VPS4B: variants seen among roughly 807,000 people sequenced by gnomAD.
VPS4B encodes the protein vacuolar protein sorting-associated protein 4B.
A neutral mutation model predicts 56.1 loss-of-function variants in VPS4B; 23 were observed. The ratio of observed to expected loss-of-function variants is 0.41; its 90% CI spans 0.30 to 0.58. The LOEUF is 0.58. Ranked by LOEUF, VPS4B falls within the 20% of genes least tolerant of loss-of-function variation. The pLI, the probability that VPS4B is intolerant of heterozygous loss-of-function variation, is 0.29. For synonymous variants in VPS4B, 177 were observed against 186.0 expected (o/e 0.95, Z 0.39); for missense variants, 372 against 531.9 (o/e 0.70, Z 2.96).
intron 1 of VPS4B, among the ~76,000 whole-genome samples, chr18:63,421,859 C>T (rs1192540140): frequency 1.3e-5 from 2 of 152,212 alleles, no homozygotes; most frequent in Non-Finnish European, 1.5e-5. Flanking sequence ...GCTTGAGAAA[C>T]TAAGACCGAA....
intron 10 of VPS4B, among the ~76,000 whole-genome samples, chr18:63,391,928 T>C (rs1915557153): frequency 6.6e-6 from 1 of 152,102 alleles, no homozygotes; most frequent in African/African-American, 2.4e-5. Context: ...TGTAAAAGGA[T>C]ATGAAAAATA....
chr18:63,407,543 A>G (rs1385098237), intron 3 of VPS4B, 44 bp from the exon 4 acceptor site: 1 of 1,474,308 alleles, frequency 6.8e-7, no homozygotes, highest in South Asian at 1.3e-5. Flanking sequence ...ACTCATTGCT[A>G]TCAAATAAGG....
intron 10 of VPS4B, among the ~76,000 whole-genome samples, chr18:63,392,249 TAA>T (rs1157937119): frequency 2.0e-5 from 3 of 152,220 alleles, no homozygotes; most frequent in Non-Finnish European, 4.4e-5. Flanking sequence ...TCAATCACCC[TAA>T]GTTCCCTAAA....
chr18:63,412,747 A>C (rs939856184), intron 1 of VPS4B, among the ~76,000 whole-genome samples: 1 of 152,186 alleles, frequency 6.6e-6, no homozygotes, highest in Admixed American at 6.5e-5. Context: ...AGCTAGCCTC[A>C]AACTCCTGGG....
At chr18:63,398,023 T>G (rs1915710214) in intron 8 of VPS4B, among the ~76,000 whole-genome samples, 1 of 152,074 alleles carries the variant, frequency 6.6e-6, no homozygotes, top group Non-Finnish European at 1.5e-5. Context: ...AAAACTGAAG[T>G]GCTAATTTTT....
At chr18:63,397,809 A>G (rs1915704351) in intron 8 of VPS4B, among the ~76,000 whole-genome samples, 1 of 152,204 alleles carries the variant, frequency 6.6e-6, no homozygotes, top group Non-Finnish European at 1.5e-5. Context: ...ACGATGAGGG[A>G]TAATTTAAGT....
chr18:63,406,903 T>C (rs7237092), intron 4 of VPS4B, among the ~76,000 whole-genome samples: 75,874 of 152,056 alleles, frequency 0.5, 19,518 homozygotes, highest in East Asian at 0.87. Context: ...CACTGTGCTA[T>C]AGTAGAACAG....
At chr18:63,413,575 C>A (rs1469574121) in intron 1 of VPS4B, among the ~76,000 whole-genome samples, 1 of 148,084 alleles carries the variant, frequency 6.8e-6, no homozygotes, top group Non-Finnish European at 1.5e-5. Flanking sequence ...CAGATACATA[C>A]AAATAAAGGG....
rs1915530626 is a variant in VPS4B, at chr18:63,390,755, T to A, written c.*220A>T. On this transcript the variant is annotated 3_prime_UTR_variant, in exon 11 of 11. Transcript: ENST00000238497. ...TGTTTTTATGCCGTTCATATATCGC[T>A]CATTTCCTCATAACCTGTTATTTTG... 2.9e-6 allele frequency: 1 copy of A among 347,556 alleles called. No homozygotes were observed. Among genetic ancestry groups the A allele is most frequent in the Non-Finnish European group, 5.2e-6 (1 of 191,476 alleles). 21.5% of individuals were successfully genotyped at this position (347,556 alleles called of 1,614,324 possible).
intron 4 of VPS4B, among the ~76,000 whole-genome samples, chr18:63,406,843 C>T (rs764537121): frequency 6.0e-4 from 91 of 152,334 alleles, no homozygotes; most frequent in Non-Finnish European, 8.4e-4. Context: ...GACCCTTGAA[C>T]AGAATCAAGA....
chr18:63,411,674 C>G, intron 1 of VPS4B, 96 bp from the exon 2 acceptor site: 1 of 702,306 alleles, frequency 1.4e-6, no homozygotes, highest in African/African-American at 1.9e-5. Context: ...TTTTTTAAAG[C>G]TTCTCAGCTT....
Position 63,410,340 on chromosome 18 carries a change from T to G in VPS4B, c.246A>C (p.Lys82Asn). Residue 82 changes from lysine (K) to asparagine (N), a missense_variant, in exon 3 of 11, where the codon AAA becomes AAC. Physicochemically the swap from Lys to Asn is moderately conservative, Grantham distance 94 (BLOSUM62 0). This residue lies in a region of VPS4B where 153 missense variants were observed against 190.3 expected (regional missense o/e 0.80). Coordinates refer to ENST00000238497, the MANE Select transcript of VPS4B (RefSeq NM_004869.4). ...GTCCTTCTTTCACTGGCTTCTGTGC[T>G]TTTTTCTCTTTATTTTTCAGGTACT... ...LKEYLKNKEK[K>N]AQKPVKEGQP... 1.2e-6 allele frequency: 2 copies of G among 1,614,056 alleles called. No individual in the cohort carries two copies. Among genetic ancestry groups the G allele is most frequent in the Non-Finnish European group, 1.7e-6 (2 of 1,180,016 alleles).
At chr18:63,392,178 G>GATCT (rs1330730636) in intron 10 of VPS4B, among the ~76,000 whole-genome samples, 2 of 152,268 alleles carry the variant, frequency 1.3e-5, no homozygotes, top group South Asian at 2.1e-4. Context: ...GGTCTTTGAA[G>GATCT]ATCTGAAACT....
chr18:63,395,708 A>G lies in VPS4B; in HGVS notation c.1092+1326T>C, dbSNP rs368841239. Among the ~76,000 whole-genome samples, 8 of 152,340 alleles carry G rather than the reference A, an allele frequency of 5.3e-5. No individual in the cohort carries two copies. The East Asian group carries it at 9.6e-4, about 18-fold the overall frequency. ...AATACTGGATACTGTTGTTCACAGC[A>G]AAAGGGTTGGTCCAGATTACCTAGT... On this transcript the variant is annotated intron_variant, in intron 9 of 10. Coordinates refer to ENST00000238497, the MANE Select transcript of VPS4B (RefSeq NM_004869.4).
At chr18:63,392,297 T>C (rs1279101263) in intron 10 of VPS4B, among the ~76,000 whole-genome samples, 1 of 152,228 alleles carries the variant, frequency 6.6e-6, no homozygotes, top group Non-Finnish European at 1.5e-5. Context: ...TTGTAGATTA[T>C]TTTAATTCTT....
intron 1 of VPS4B, among the ~76,000 whole-genome samples, chr18:63,414,800 A>G (rs116057192): frequency 0.017 from 2,571 of 152,296 alleles, 67 homozygotes; most frequent in African/African-American, 0.06. Context: ...ATGCTGTGCC[A>G]CTCACCTCTT....
intron 2 of VPS4B, 39 bp from the exon 3 acceptor site, chr18:63,410,485 A>G (rs773318437): frequency 1.2e-5 from 19 of 1,598,750 alleles, no homozygotes; most frequent in Non-Finnish European, 1.4e-5. Flanking sequence ...TTCCATTAGT[A>G]TTCTATGTAG....
intron 7 of VPS4B, 75 bp from the exon 8 acceptor site, chr18:63,399,398 A>T (rs776014861): frequency 4.1e-5 from 54 of 1,327,822 alleles, no homozygotes; most frequent in Non-Finnish European, 5.5e-5. Flanking sequence ...ATATTCTGTT[A>T]AGAAATGTGG....
chr18:63,397,003 A>AT (rs71162634), intron 9 of VPS4B, 31 bp downstream of exon 9: 144 of 1,583,118 alleles, frequency 9.1e-5, no homozygotes, highest in Middle Eastern at 1.7e-4. Context: ...AAAAAAAAAA[A>AT]GATAGGAAAG....
Sources: allele counts gnomAD v4.1 joint callset (sites outside exome capture counted in the v4.1 genomes callset), GRCh38; gene constraint gnomAD v4.1.1; regional missense constraint gnomAD v4.1.1; transcripts MANE v1.5; gene names NCBI Gene and HGNC (gene_info 2026-07-23, HGNC 2026-07-21).